The following AASDHPPT variants were observed in gnomAD, a reference collection of about 807,000 sequenced individuals.
The protein encoded by AASDHPPT is L-aminoadipate-semialdehyde dehydrogenase-phosphopantetheinyl transferase.
AASDHPPT carries 23 observed loss-of-function variants against 36.4 expected under a neutral mutation model. That is an observed-to-expected ratio of 0.63 (90% CI 0.45 to 0.89). The LOEUF (loss-of-function observed/expected upper bound fraction) is 0.89. AASDHPPT is among the 40% of genes least tolerant of loss of function. The probability of loss-of-function intolerance (pLI) is 0.00; values close to 1 mark genes in which losing one functional copy is unlikely to be tolerated. For missense variants in AASDHPPT, 377 were observed against 378.2 expected, an observed-to-expected ratio of 1.00 and a Z score of 0.03; for synonymous variants, 115 against 128.0, an observed-to-expected ratio of 0.90 and a Z score of 0.68.
intron 2 of AASDHPPT, among the ~76,000 whole-genome samples, chr11:106,084,870 C>T (rs1426809123): frequency 1.3e-5 from 2 of 152,226 alleles, no homozygotes; most frequent in African/African-American, 4.8e-5. Context: ...CCGCCTTGGC[C>T]TCCCAAAGTG....
At chr11:106,078,172 T>A (rs1861085059) in intron 1 of AASDHPPT, among the ~76,000 whole-genome samples, 1 of 152,214 alleles carries the variant, frequency 6.6e-6, no homozygotes, top group Non-Finnish European at 1.5e-5. Context: ...ATGAAATAAG[T>A]GTAGGGAAGG....
intron 2 of AASDHPPT, among the ~76,000 whole-genome samples, 188 bp downstream of exon 2, chr11:106,079,880 C>T (rs1284444030): frequency 6.6e-6 from 1 of 151,950 alleles, no homozygotes; most frequent in Non-Finnish European, 1.5e-5. Flanking sequence ...TACAGACTTA[C>T]ACATAAATAA....
At chr11:106,081,270 C>G (rs1195646274) in intron 2 of AASDHPPT, among the ~76,000 whole-genome samples, 3 of 152,184 alleles carry the variant, frequency 2.0e-5, no homozygotes, top group Non-Finnish European at 4.4e-5. Flanking sequence ...ATAAACCTTT[C>G]CAGTACAACT....
chr11:106,096,900 A>T lies in AASDHPPT; in HGVS notation c.923A>T (p.Lys308Met), dbSNP rs764814762. ...TEEIPIRNGTKS is the reference protein window; with the variant it reads ...TEEIPIRNGTMS Reference sequence around the variant, plus strand: ...GAAATTCCAATACGAAATGGTACAAAGTCATGATGATTCCCTGAGTAACAA... The same window carrying T: ...GAAATTCCAATACGAAATGGTACAATGTCATGATGATTCCCTGAGTAACAA... Residue 308 changes from lysine (K) to methionine (M), a missense_variant, in exon 6 of 6, where the codon AAG (lysine) becomes ATG (methionine). Physicochemically the swap from Lys to Met is moderately conservative, Grantham distance 95. Coordinates refer to ENST00000278618, the MANE Select transcript of AASDHPPT (RefSeq NM_015423.3). 11 of 1,600,048 alleles carry T rather than the reference A, an allele frequency of 6.9e-6. No homozygotes were observed. Among genetic ancestry groups the T allele is most frequent in the Non-Finnish European group, 8.5e-6 (10 of 1,175,028 alleles).
At chr11:106,091,143 A>G (rs371328127) in intron 3 of AASDHPPT, among the ~76,000 whole-genome samples, 173 bp from the exon 4 acceptor site, 5 of 152,102 alleles carry the variant, frequency 3.3e-5, no homozygotes, top group South Asian at 4.1e-4. Flanking sequence ...GATTTGCCCT[A>G]AGATCATATG....
intron 2 of AASDHPPT, 76 bp downstream of exon 2, chr11:106,079,768 C>A: frequency 7.9e-7 from 1 of 1,265,960 alleles, no homozygotes; most frequent in Non-Finnish European, 1.1e-6. Flanking sequence ...TAATCTCAGG[C>A]CAGGAGATGT....
At chr11:106,092,471 AT>A (rs1861264981) in intron 4 of AASDHPPT, 1 of 152,116 alleles carries the variant, frequency 6.6e-6, no homozygotes, top group Non-Finnish European at 1.5e-5. Flanking sequence ...GAGGAAAAAA[AT>A]TATAATCATA....
intron 2 of AASDHPPT, among the ~76,000 whole-genome samples, chr11:106,089,781 T>A (rs1861235157): frequency 6.6e-6 from 1 of 152,024 alleles, no homozygotes; most frequent in African/African-American, 2.4e-5. Flanking sequence ...ACCCCTTGGT[T>A]CTGGGAATCA....
rs1861324059 is a variant in AASDHPPT, at chr11:106,097,157, T to C, written c.*250T>C. 9.3e-6 allele frequency: 3 copies of C among 322,974 alleles called. No individual in the cohort carries two copies. Among genetic ancestry groups the C allele is most frequent in the South Asian group, 7.3e-5 (1 of 13,738 alleles). 20.0% of individuals were successfully genotyped at this position (322,974 alleles called of 1,614,324 possible). On this transcript the variant is annotated 3_prime_UTR_variant, in exon 6 of 6. Coordinates refer to ENST00000278618, the MANE Select transcript of AASDHPPT (RefSeq NM_015423.3). Reference sequence around the variant, plus strand: ...GGCGGAATCTTAAAGTGATACATGCTAACTGTAGAAAAAAATAGAAAATGC... The same window carrying C: ...GGCGGAATCTTAAAGTGATACATGCCAACTGTAGAAAAAAATAGAAAATGC...
At chr11:106,096,446 A>T (rs113917195) in intron 5 of AASDHPPT, 1 of 213,338 alleles carries the variant, frequency 4.7e-6, no homozygotes. Context: ...TATCCCTTCT[A>T]ACTGATATGT....
At chr11:106,092,261 A>G (rs1345031794) in intron 4 of AASDHPPT, 1 of 152,186 alleles carries the variant, frequency 6.6e-6, no homozygotes, top group African/African-American at 2.4e-5. Flanking sequence ...AGCTTGGGCT[A>G]GTTGTTTATC....
Position 106,098,531 on chromosome 11 carries a change from TTTTTA to T in AASDHPPT, c.*1632_*1636del, listed in dbSNP as rs1229673794. 6.8e-6 allele frequency: 1 copy of T among 146,678 alleles called. No homozygotes were observed. The highest frequency in any genetic ancestry group is 1.5e-5 in the Non-Finnish European group (1 of 65,302). The allele number at this position is 146,678 out of a possible 1,614,324, so 9.1% of individuals were successfully genotyped here. ...AAGAAAAAAATTTGAATGTTTTTTT[TTTTTA>T]TTTTATTAAGCATGCCCAGTTATGC... On this transcript the variant is annotated 3_prime_UTR_variant, in exon 6 of 6. Transcript: ENST00000278618.
chr11:106,086,418 G>T (rs1469518990), intron 2 of AASDHPPT: 1 of 151,986 alleles, frequency 6.6e-6, no homozygotes, highest in Non-Finnish European at 1.5e-5. Flanking sequence ...CTTTAATTAG[G>T]TATGACCTGA....
At chr11:106,092,510 A>G (rs1861265487) in intron 4 of AASDHPPT, 2 of 152,108 alleles carry the variant, frequency 1.3e-5, no homozygotes, top group South Asian at 2.1e-4. Flanking sequence ...CATTATGTCA[A>G]TGGTAGTTGA....
At chr11:106,079,783 G>A (rs763226060) in intron 2 of AASDHPPT, 91 bp downstream of exon 2, 75 of 1,151,964 alleles carry the variant, frequency 6.5e-5, no homozygotes, top group Non-Finnish European at 9.1e-5. Flanking sequence ...AGATGTATTA[G>A]AGATATTTCA....
chr11:106,079,662 G>A lies in AASDHPPT; in HGVS notation c.379G>A (p.Gly127Arg). ...TGCTGCTGAACCTGAGCTGCAAGTT[G>A]GAATTGATATAATGAAGACTAGTTT... ...VLAAEPELQV[G>R]IDIMKTSFPG... Residue 127 changes from glycine to arginine, a missense_variant, in exon 2 of 6, where the codon GGA becomes AGA. Gly to Arg is a moderately radical substitution (Grantham distance 125). Transcript: ENST00000278618. 1 of 1,614,066 alleles carries A rather than the reference G, an allele frequency of 6.2e-7. No individual in the cohort carries two copies. The highest frequency in any genetic ancestry group is 8.5e-7 in the Non-Finnish European group (1 of 1,179,990).
chr11:106,078,256 G>T (rs1158526701), intron 1 of AASDHPPT, among the ~76,000 whole-genome samples: 23 of 151,590 alleles, frequency 1.5e-4, no homozygotes, highest in Admixed American at 5.2e-4. Flanking sequence ...TTTTGTTTGT[G>T]TGCGTTCATA....
Position 106,094,620 on chromosome 11 carries a change from C to G in AASDHPPT, c.731C>G (p.Ala244Gly). 1 of 1,606,400 alleles carries G rather than the reference C, an allele frequency of 6.2e-7. No individual in the cohort carries two copies. Among genetic ancestry groups the G allele is most frequent in the East Asian group, 2.2e-5 (1 of 44,492 alleles). Residue 244 changes from alanine (A) to glycine (G), a missense_variant, in exon 5 of 6, where the codon GCT (alanine) becomes GGT (glycine). Ala to Gly is a moderately conservative substitution (Grantham distance 60). Transcript: ENST00000278618. ...GATGAGCACCATTTTGTTGCAGTTGCTCTTAGGAAACCCGATGGATCTAGA... is the reference window on the plus strand; with the variant it reads ...GATGAGCACCATTTTGTTGCAGTTGGTCTTAGGAAACCCGATGGATCTAGA... ...KIDEHHFVAV[A>G]LRKPDGSRHQ...
At position 106,079,627 on chromosome 11, in the gene AASDHPPT, A is replaced by G. The variant is rs1861112504; in HGVS notation, c.344A>G (p.Tyr115Cys). 1 of 1,614,090 alleles carries G rather than the reference A, an allele frequency of 6.2e-7. No individual in the cohort carries two copies. The highest frequency in any genetic ancestry group is 1.3e-5 in the African/African-American group (1 of 74,946). Reference sequence around the variant, plus strand: ...TTTAACATCTCTCATCAAGGAGACTATGCAGTGCTTGCTGCTGAACCTGAG... The same window carrying G: ...TTTAACATCTCTCATCAAGGAGACTGTGCAGTGCTTGCTGCTGAACCTGAG... ...FNFNISHQGD[Y>C]AVLAAEPELQ... Residue 115 changes from tyrosine (Y) to cysteine (C), a missense_variant, in exon 2 of 6, where the codon TAT becomes TGT. Tyr to Cys is a radical substitution (Grantham distance 194, BLOSUM62 -2). Coordinates refer to ENST00000278618, the MANE Select transcript of AASDHPPT (RefSeq NM_015423.3).
Sources: gnomAD v4.1 joint callset for allele counts (sites outside exome capture counted in the v4.1 genomes callset) on GRCh38, gnomAD v4.1.1 for gene constraint, MANE v1.5 for transcripts, NCBI Gene and HGNC (gene_info 2026-07-23, HGNC 2026-07-21) for gene names.